The following FSIP1 variants were observed in gnomAD, a reference collection of about 807,000 sequenced individuals.
FSIP1 encodes fibrous sheath interacting protein 1.
In FSIP1, 65 loss-of-function variants were observed where a neutral mutation model predicts 60.9. That is an observed-to-expected ratio of 1.07 (90% confidence interval 0.87 to 1.31). The LOEUF (loss-of-function observed/expected upper bound fraction) is 1.31, where lower values mean the gene tolerates loss of function less well. Among genes scored for constraint, FSIP1 ranks in the 40% most tolerant of loss-of-function variants. The pLI, the probability that FSIP1 is intolerant of heterozygous loss-of-function variation, is 0.00. For synonymous variants in FSIP1, 209 were observed against 221.2 expected, an observed-to-expected ratio of 0.94 and a Z score of 0.49; for missense variants, 675 against 665.5, an observed-to-expected ratio of 1.01 and a Z score of -0.16.
At chr15:39,713,321 C>A (rs376642539) in intron 10 of FSIP1, 123 bp downstream of exon 10, 2 of 777,228 alleles carry the variant, frequency 2.6e-6, no homozygotes, top group Non-Finnish European at 4.0e-6. Flanking sequence ...AATCCTAGCA[C>A]TTTGGCAGGC....
intron 10 of FSIP1, among the ~76,000 whole-genome samples, chr15:39,633,112 G>A (rs1330830822): frequency 7.4e-5 from 2 of 27,018 alleles, no homozygotes; most frequent in Non-Finnish European, 1.4e-4. Flanking sequence ...TTTTTTTTTT[G>A]AGATGGAATC....
At chr15:39,663,222 A>G (rs1345649970) in intron 10 of FSIP1, among the ~76,000 whole-genome samples, 5 of 152,204 alleles carry the variant, frequency 3.3e-5, no homozygotes, top group Admixed American at 2.0e-4. Context: ...GAAAACGAGT[A>G]GCGCACATTA....
At chr15:39,704,330 T>C (rs910641961) in intron 10 of FSIP1, among the ~76,000 whole-genome samples, 2 of 152,254 alleles carry the variant, frequency 1.3e-5, no homozygotes, top group African/African-American at 4.8e-5. Flanking sequence ...GGACCTTCAT[T>C]AATGTACGAA....
At chr15:39,756,619 G>C (rs1237528008) in intron 5 of FSIP1, among the ~76,000 whole-genome samples, 1 of 151,930 alleles carries the variant, frequency 6.6e-6, no homozygotes, top group Non-Finnish European at 1.5e-5. Flanking sequence ...TTACATGCAT[G>C]AACCACCCAC....
At chr15:39,638,023 T>TC (rs1007310449) in intron 10 of FSIP1, among the ~76,000 whole-genome samples, 18 of 152,188 alleles carry the variant, frequency 1.2e-4, no homozygotes, top group Admixed American at 7.2e-4. Context: ...GAGAAAAGAC[T>TC]CCCTTGAGTT....
chr15:39,642,187 T>G (rs938897223), intron 10 of FSIP1, among the ~76,000 whole-genome samples: 1 of 152,170 alleles, frequency 6.6e-6, no homozygotes, highest in Non-Finnish European at 1.5e-5. Flanking sequence ...AAGAATGCCA[T>G]AGGACAAAAG....
At chr15:39,679,784 C>T (rs80297682) in intron 10 of FSIP1, among the ~76,000 whole-genome samples, 4,912 of 152,214 alleles carry the variant, frequency 0.032, 256 homozygotes, top group African/African-American at 0.11. Flanking sequence ...ACAACATTAT[C>T]ACAAACAACG....
chr15:39,775,457 T>TA (rs1385118209), intron 2 of FSIP1, among the ~76,000 whole-genome samples: 1 of 150,332 alleles, frequency 6.7e-6, no homozygotes, highest in African/African-American at 2.5e-5. Context: ...ATGCTTTAAG[T>TA]AAAAAAATCA....
intron 10 of FSIP1, among the ~76,000 whole-genome samples, chr15:39,684,371 C>T (rs1157053712): frequency 1.3e-5 from 2 of 152,192 alleles, no homozygotes; most frequent in African/African-American, 2.4e-5. Flanking sequence ...AGAACAGACA[C>T]TACAGCTGTG....
At chr15:39,652,608 G>C (rs75046702) in intron 10 of FSIP1, among the ~76,000 whole-genome samples, 3 of 151,958 alleles carry the variant, frequency 2.0e-5, no homozygotes, top group Non-Finnish European at 4.4e-5. Flanking sequence ...CTTTCTACTG[G>C]ATATAATTTC....
At position 39,611,693 on chromosome 15, in the gene FSIP1, G is replaced by T. The variant is rs575393076; in HGVS notation, c.1699+6042C>A. Among the ~76,000 whole-genome samples, 40 of 152,284 alleles carry T rather than the reference G, an allele frequency of 2.6e-4. 1 individual carries two copies. Among genetic ancestry groups the T allele is most frequent in the African/African-American group, 9.6e-4 (40 of 41,564 alleles). On this transcript the variant is annotated intron_variant, in intron 11 of 11. Transcript: ENST00000350221. ...TTACCTTGAATGTAAATGGATTAAA[G>T]TCGCTAGTCAAAACACATAGAGTGG...
intron 10 of FSIP1, among the ~76,000 whole-genome samples, chr15:39,684,061 A>G (rs1894269549): frequency 6.6e-6 from 1 of 152,230 alleles, no homozygotes; most frequent in Non-Finnish European, 1.5e-5. Context: ...TCCCAGCATG[A>G]TTTTCTGTAG....
chr15:39,698,257 T>C (rs575785219), intron 10 of FSIP1, among the ~76,000 whole-genome samples: 7 of 151,336 alleles, frequency 4.6e-5, no homozygotes, highest in Non-Finnish European at 1.0e-4. Flanking sequence ...TGTTTGACTA[T>C]AGTGAGTTAA....
intron 2 of FSIP1, among the ~76,000 whole-genome samples, chr15:39,771,942 C>A (rs1897901888): frequency 6.6e-6 from 1 of 152,164 alleles, no homozygotes. Flanking sequence ...TATAAAGCAA[C>A]TTAGCAGACC....
chr15:39,712,445 GA>G (rs1895558447), intron 10 of FSIP1, among the ~76,000 whole-genome samples: 1 of 152,162 alleles, frequency 6.6e-6, no homozygotes, highest in South Asian at 2.1e-4. Context: ...ACAACACTGA[GA>G]GAAGGGTGAT....
intron 10 of FSIP1, among the ~76,000 whole-genome samples, chr15:39,628,393 G>A (rs568351673): frequency 8.5e-5 from 13 of 152,304 alleles, no homozygotes; most frequent in African/African-American, 2.9e-4. Context: ...CATGTCCACT[G>A]CGAAGACGTA....
At chr15:39,661,322 A>C (rs1435196180) in intron 10 of FSIP1, among the ~76,000 whole-genome samples, 1 of 152,208 alleles carries the variant, frequency 6.6e-6, no homozygotes, top group Non-Finnish European at 1.5e-5. Context: ...TTCTGTATAC[A>C]ATAGATCTGG....
At chr15:39,710,978 G>A (rs1419746675) in intron 10 of FSIP1, among the ~76,000 whole-genome samples, 1 of 152,116 alleles carries the variant, frequency 6.6e-6, no homozygotes, top group Non-Finnish European at 1.5e-5. Context: ...TTTAAGTGTA[G>A]CCAAATTCCA....
At chr15:39,730,052 T>C (rs1416424167) in intron 8 of FSIP1, among the ~76,000 whole-genome samples, 5 of 152,066 alleles carry the variant, frequency 3.3e-5, no homozygotes, top group Non-Finnish European at 7.4e-5. Flanking sequence ...AAGTATTTAT[T>C]GATTTAAAAT....
Sources: allele counts gnomAD v4.1 joint callset (sites outside exome capture counted in the v4.1 genomes callset), GRCh38; gene constraint gnomAD v4.1.1; transcripts MANE v1.5; gene names NCBI Gene and HGNC (gene_info 2026-07-23, HGNC 2026-07-21).